The following ZSCAN31 variants were observed in gnomAD, a reference collection of about 807,000 sequenced individuals.
ZSCAN31 encodes the protein zinc finger and SCAN domain containing 31.
A neutral mutation model predicts 22.5 loss-of-function variants in ZSCAN31; 14 were observed. The observed-to-expected ratio is 0.62, with a 90% CI of 0.41 to 0.97. The LOEUF is 0.97. ZSCAN31 is among the 50% of genes least tolerant of loss of function. ZSCAN31 has a pLI of 0.00. For synonymous variants in ZSCAN31, 168 were observed against 169.8 expected (o/e 0.99, Z 0.08); for missense variants, 424 against 483.4 (o/e 0.88, Z 1.15).
intron 2 of ZSCAN31, among the ~76,000 whole-genome samples, chr6:28,344,204 C>G (rs1764543466): frequency 6.6e-6 from 1 of 152,136 alleles, no homozygotes; most frequent in Non-Finnish European, 1.5e-5. Context: ...GTAGGGCTGT[C>G]ACACGGGTTT....
intron 2 of ZSCAN31, among the ~76,000 whole-genome samples, chr6:28,346,033 C>A (rs1158167292): frequency 6.6e-6 from 1 of 152,160 alleles, no homozygotes; most frequent in Admixed American, 6.5e-5. Context: ...GAAAGATGTG[C>A]TTTCTATGTA....
At position 28,333,187 on chromosome 6, in the gene ZSCAN31, G is replaced by C. The variant is rs1763893293; in HGVS notation, c.-96+2895C>G. Among the ~76,000 whole-genome samples the C allele has an allele frequency of 6.6e-6, 1 of 152,188 alleles. No individual in the cohort carries two copies. The highest frequency in any genetic ancestry group is 1.5e-5 in the Non-Finnish European group (1 of 68,040). The stretch of plus-strand genomic sequence containing the variant: ...AGTGGACTTCCACACTCATGAAAGG[G>C]AGACAGAAAAATAAAAGGTAGTTGA... On this transcript the variant is annotated intron_variant, in intron 1 of 3. Transcript: ENST00000344279. This position sits in a 1 kb window ranked among gnomAD's most constrained non-coding sequence, Gnocchi z 4.1.
upstream of ZSCAN31, chr6:28,355,679 A>G (rs1432518618): frequency 6.6e-6 from 1 of 152,228 alleles, no homozygotes; most frequent in Non-Finnish European, 1.5e-5. Flanking sequence ...CTAAATCTGC[A>G]AGAGAATCAG....
upstream of ZSCAN31, among the ~76,000 whole-genome samples, chr6:28,340,062 A>G (rs79431623): frequency 5.6e-3 from 848 of 152,352 alleles, 7 homozygotes; most frequent in African/African-American, 0.019. Flanking sequence ...CTTACACTTT[A>G]TAGACTTAAT....
chr6:28,330,157 A>G (rs1440377295), intron 1 of ZSCAN31, among the ~76,000 whole-genome samples: 1 of 152,184 alleles, frequency 6.6e-6, no homozygotes, highest in Non-Finnish European at 1.5e-5. Context: ...CTTTCAGATG[A>G]TAAGAGACAT....
intron 1 of ZSCAN31, chr6:28,335,850 A>T (rs541807346): frequency 6.6e-6 from 1 of 152,112 alleles, no homozygotes; most frequent in Non-Finnish European, 1.5e-5. Flanking sequence ...GCGCTCCTTT[A>T]TCGTCTTGGA....
upstream of ZSCAN31, chr6:28,336,807 T>A (rs1581688820): frequency 6.6e-6 from 1 of 152,276 alleles, no homozygotes; most frequent in East Asian, 1.9e-4. Flanking sequence ...TCCCCGAGTC[T>A]GTCCACTTCC....
In ZSCAN31 at chr6:28,349,928, C is replaced by G. The variant is rs564722467; in HGVS notation, c.-371+3934G>C. 9.2e-5 allele frequency: 14 copies of G among 152,330 alleles called. No individual in the cohort carries two copies. Among genetic ancestry groups the G allele is most frequent in the African/African-American group, 3.4e-4 (14 of 41,566 alleles). 9.4% of individuals were successfully genotyped at this position (152,330 alleles called of 1,614,324 possible). ...AGAGGCCCGGAAGTGGCTTCTGTGC[C>G]CCGCCCTGCGGGTGGTTTGCTAGTT... On this transcript the variant is annotated intron_variant, in intron 2 of 7. Transcript: ENST00000396838. The surrounding 1 kb of genome is among the most constrained non-coding windows in gnomAD (Gnocchi z 4.1).
Position 28,329,490 on chromosome 6 carries a change from T to C in ZSCAN31, c.194A>G (p.His65Arg), listed in dbSNP as rs759586376. The change falls in exon 2 of 4, where the codon CAT becomes CGT. Residue 65 changes from histidine (H) to arginine (R), a missense_variant. Transcript: ENST00000344279. ...GTGGATTTCTGGCCTTAGCCACTGA[T>C]GACAGAGTTCTCGGAGCCGGCTCAG... ...EALSRLRELCHQWLRPEIHTK... is the reference protein window; with the variant it reads ...EALSRLRELCRQWLRPEIHTK... The C allele has an allele frequency of 1.9e-5, 31 of 1,614,038 alleles. No individual in the cohort carries two copies. The South Asian group carries it at 2.9e-4, about 15-fold the overall frequency.
rs150660211 is a variant in ZSCAN31, at chr6:28,329,523, C to T, written c.161G>A (p.Arg54Gln). 19 of 1,614,084 alleles carry T rather than the reference C, an allele frequency of 1.2e-5. No homozygotes were observed. In the African/African-American group the frequency reaches 1.2e-4, roughly 10 times the overall value. Residue 54 changes from arginine (R) to glutamine (Q), a missense_variant, in exon 2 of 4, where the codon CGA becomes CAA. Arg to Gln is a conservative substitution (Grantham distance 43). Transcript: ENST00000344279. ...QFCYQETPGPREALSRLRELC... is the reference protein window; with the variant it reads ...QFCYQETPGPQEALSRLRELC... Reference sequence around the variant, plus strand: ...TTCTCGGAGCCGGCTCAGAGCTTCTCGGGGACCAGGAGTCTCTTGGTAACA... The same window carrying T: ...TTCTCGGAGCCGGCTCAGAGCTTCTTGGGGACCAGGAGTCTCTTGGTAACA...
chr6:28,343,426 A>T (rs1218390060), intron 2 of ZSCAN31, among the ~76,000 whole-genome samples: 1 of 151,824 alleles, frequency 6.6e-6, no homozygotes, highest in Admixed American at 6.6e-5. Flanking sequence ...CCCCCTACAA[A>T]GCCAGGCAGA....
At chr6:28,340,352 A>C (rs1764363899), upstream of ZSCAN31, among the ~76,000 whole-genome samples, 1 of 152,180 alleles carries the variant, frequency 6.6e-6, no homozygotes, top group Non-Finnish European at 1.5e-5. Flanking sequence ...TAATCCCCAC[A>C]TGTGGTGGGA....
upstream of ZSCAN31, among the ~76,000 whole-genome samples, chr6:28,338,850 A>G (rs1416478739): frequency 6.6e-6 from 1 of 152,204 alleles, no homozygotes; most frequent in African/African-American, 2.4e-5. Context: ...GTTGATCAAA[A>G]GCTTTTTAAA....
chr6:28,351,989 T>G lies in ZSCAN31; in HGVS notation c.-371+1873A>C, dbSNP rs1765062949. 6.6e-6 allele frequency among the ~76,000 whole-genome samples: 1 copy of G among 152,078 alleles called. No individual in the cohort carries two copies. Among genetic ancestry groups the G allele is most frequent in the African/African-American group, 2.4e-5 (1 of 41,408 alleles). ...GTCTCAAATATTTCTAGAGTTTTTTTTTTTTACAGTCTTTTTACAGTTGTT... is the reference window on the plus strand; with the variant it reads ...GTCTCAAATATTTCTAGAGTTTTTTGTTTTTACAGTCTTTTTACAGTTGTT... On this transcript the variant is annotated intron_variant, in intron 2 of 7. Transcript: ENST00000396838. The surrounding 1 kb of genome is among the most constrained non-coding windows in gnomAD (Gnocchi z 4.6).
chr6:28,345,550 G>A (rs545805126), intron 2 of ZSCAN31, among the ~76,000 whole-genome samples: 14 of 152,292 alleles, frequency 9.2e-5, no homozygotes, highest in African/African-American at 2.4e-4. Context: ...AACATCATGA[G>A]GGGACCAATC....
chr6:28,336,888 T>C (rs1764201393), upstream of ZSCAN31: 1 of 152,234 alleles, frequency 6.6e-6, no homozygotes, highest in Admixed American at 6.5e-5. Context: ...GTTTTTGTTG[T>C]GGTTTTGTTA....
At chr6:28,345,109 C>A (rs1764587781) in intron 2 of ZSCAN31, among the ~76,000 whole-genome samples, 1 of 144,082 alleles carries the variant, frequency 6.9e-6, no homozygotes. Flanking sequence ...TGCACCATTG[C>A]ACTCCAACCC....
At chr6:28,326,935 G>T in intron 3 of ZSCAN31, 81 bp from the exon 4 acceptor site, 1 of 1,283,798 alleles carries the variant, frequency 7.8e-7, no homozygotes, top group Non-Finnish European at 1.1e-6. Flanking sequence ...TAGAAAGATC[G>T]ATATCAAACA....
At position 28,326,632 on chromosome 6, in the gene ZSCAN31, G is replaced by A; in HGVS notation, c.755C>T (p.Ser252Leu). ...NECGKSFTKS[S>L]VLIEHQRIHT... The stretch of plus-strand genomic sequence containing the variant: ...GATTCTCTGGTGCTCAATGAGTACT[G>A]AACTCTTAGTGAAGCTTTTCCCACA... Residue 252 changes from serine to leucine, a missense_variant, in exon 4 of 4, where the codon TCA (serine) becomes TTA (leucine). By Grantham distance (145) the Ser-to-Leu change is moderately radical. Transcript: ENST00000344279. 1 of 1,614,104 alleles carries A rather than the reference G, an allele frequency of 6.2e-7. No individual in the cohort carries two copies. The highest frequency in any genetic ancestry group is 8.5e-7 in the Non-Finnish European group (1 of 1,180,030).
Sources: gnomAD v4.1 joint callset for allele counts (sites outside exome capture counted in the v4.1 genomes callset) on GRCh38, gnomAD v4.1.1 for gene constraint, Gnocchi (gnomAD v3.1) non-coding constraint, MANE v1.5 for transcripts, NCBI Gene and HGNC (gene_info 2026-07-23, HGNC 2026-07-21) for gene names.